The following RTTN variants were observed in gnomAD, a reference collection of about 807,000 sequenced individuals.
The protein encoded by RTTN is rotatin.
In RTTN, 182 loss-of-function variants were observed where a neutral mutation model predicts 269.2. The ratio of observed to expected loss-of-function variants is 0.68; its 90% CI spans 0.60 to 0.76. The LOEUF is 0.76. Among genes scored for constraint, RTTN ranks in the 30% least tolerant of loss-of-function variants. The pLI is 0.00. For synonymous variants in RTTN, 1,006 were observed against 963.5 expected (o/e 1.04, Z -0.82); for missense variants, 2,545 against 2,608.6 (o/e 0.98, Z 0.53).
rs546205241 is a variant in RTTN at position 70,097,802 on chromosome 18, T to A, written c.3904-4998A>T. 2.0e-5 allele frequency among the ~76,000 whole-genome samples: 3 copies of A among 152,360 alleles called. No homozygotes were observed. The South Asian group carries it at 6.2e-4, about 32-fold the overall frequency. On this transcript the variant is annotated intron_variant, in intron 28 of 48. Transcript: ENST00000640769. ...AAAACTAAGCCCTTTTGTTCTCCAA[T>A]ACATTAACAGTTCATTTCAATTTCT...
intron 2 of RTTN, 116 bp downstream of exon 2, chr18:70,205,012 G>T: frequency 2.1e-6 from 2 of 945,572 alleles, no homozygotes; most frequent in South Asian, 1.6e-5. Context: ...AAACATCTCT[G>T]GTTGATTAAA....
Position 70,156,297 on chromosome 18 carries a change from T to C in RTTN, c.1930-5564A>G, listed in dbSNP as rs2060673934. Among the ~76,000 whole-genome samples, 3 of 152,148 alleles carry C rather than the reference T, an allele frequency of 2.0e-5. No homozygotes were observed. The South Asian group carries it at 6.2e-4, about 32-fold the overall frequency. On this transcript the variant is annotated intron_variant, in intron 14 of 48. Transcript: ENST00000640769. ...CCCCCTTGGGTGTGGCCGTCTTCTA[T>C]GGTCGAGACTGTAGGGGTGAAATAA...
intron 8 of RTTN, among the ~76,000 whole-genome samples, chr18:70,191,035 A>G (rs2061658461): frequency 1.3e-5 from 2 of 149,834 alleles, no homozygotes; most frequent in African/African-American, 4.9e-5. Flanking sequence ...TAAAAATACA[A>G]AAAAAAAAAT....
intron 11 of RTTN, among the ~76,000 whole-genome samples, chr18:70,172,970 T>G (rs202085628): frequency 6.6e-6 from 1 of 152,346 alleles, no homozygotes; most frequent in East Asian, 1.9e-4. Flanking sequence ...AATTCCTTTC[T>G]TAAGAGACTG....
chr18:70,159,950 A>G (rs1161865705), intron 14 of RTTN, among the ~76,000 whole-genome samples: 4 of 152,034 alleles, frequency 2.6e-5, no homozygotes, highest in African/African-American at 9.7e-5. Flanking sequence ...AAAAAAGCCT[A>G]CCAACCAGAA....
intron 21 of RTTN, among the ~76,000 whole-genome samples, chr18:70,136,598 C>T (rs1365475611): frequency 6.6e-6 from 1 of 151,678 alleles, no homozygotes; most frequent in Non-Finnish European, 1.5e-5. Flanking sequence ...GAAAAGATAA[C>T]TTCACTAAAA....
intron 10 of RTTN, among the ~76,000 whole-genome samples, chr18:70,185,956 A>G (rs2061534852): frequency 6.6e-6 from 1 of 152,056 alleles, no homozygotes; most frequent in Non-Finnish European, 1.5e-5. Flanking sequence ...GTTTTTTTAA[A>G]AAAAAACCTA....
rs142836786 is a variant in RTTN at position 70,080,479 on chromosome 18, T to C, written c.4375-4938A>G. Among the ~76,000 whole-genome samples, 498 of 152,256 alleles carry C rather than the reference T, an allele frequency of 3.3e-3. 1 individual carries two copies. Among genetic ancestry groups the C allele is most frequent in the African/African-American group, 0.011 (467 of 41,566 alleles). On this transcript the variant is annotated intron_variant, in intron 32 of 48. Coordinates refer to ENST00000640769, the MANE Select transcript of RTTN (RefSeq NM_173630.4). ...GGCCAAAGCAAGAATGATTTGAACA[T>C]TGAAACAAATAATGATAGAAACAGA...
At chr18:70,177,701 C>G (rs758525896) in intron 10 of RTTN, among the ~76,000 whole-genome samples, 2 of 151,798 alleles carry the variant, frequency 1.3e-5, no homozygotes, top group Non-Finnish European at 2.9e-5. Flanking sequence ...AAACTAAGAA[C>G]AAAAATCTAA....
At chr18:70,006,561 C>A (rs2056194489) in intron 46 of RTTN, 77 bp from the exon 47 acceptor site, 1 of 1,084,900 alleles carries the variant, frequency 9.2e-7, no homozygotes, top group East Asian at 2.5e-5. Flanking sequence ...TAGTCAGACA[C>A]CCCCCTCTTT....
At chr18:70,016,993 GA>G (rs2056558910) in intron 46 of RTTN, among the ~76,000 whole-genome samples, 1 of 152,156 alleles carries the variant, frequency 6.6e-6, no homozygotes, top group South Asian at 2.1e-4. Context: ...GAGGAGGAAA[GA>G]GAAGGCCCCC....
chr18:70,128,622 G>A, intron 23 of RTTN, 76 bp from the exon 24 acceptor site: 2 of 1,268,504 alleles, frequency 1.6e-6, no homozygotes, highest in Non-Finnish European at 2.2e-6. Flanking sequence ...CCACAAATGA[G>A]GGCTAGTTCA....
intron 27 of RTTN, among the ~76,000 whole-genome samples, chr18:70,114,164 T>A (rs931654274): frequency 1.3e-5 from 2 of 152,036 alleles, no homozygotes; most frequent in African/African-American, 4.8e-5. Flanking sequence ...AGTAGATTTG[T>A]AGATAATTAA....
In RTTN at chr18:70,022,479, A is replaced by G. The variant is rs1015276712; in HGVS notation, c.5951-1662T>C. Among the ~76,000 whole-genome samples the G allele has an allele frequency of 2.9e-4, 44 of 152,154 alleles. 1 individual carries two copies. The highest frequency in any genetic ancestry group is 1.0e-3 in the African/African-American group (43 of 41,442). On this transcript the variant is annotated intron_variant, in intron 44 of 48. Transcript: ENST00000640769. Reference sequence around the variant, plus strand: ...GTTAATAAACATGCCTTAAAAACATACATCTTTAAAAACGAGCAAAAACTC... The same window carrying G: ...GTTAATAAACATGCCTTAAAAACATGCATCTTTAAAAACGAGCAAAAACTC...
rs947987849 is a variant in RTTN, at chr18:70,141,803, G to A, written c.2581+485C>T. Among the ~76,000 whole-genome samples the A allele has an allele frequency of 7.2e-5, 11 of 151,934 alleles. No homozygotes were observed. In the East Asian group the frequency reaches 2.1e-3, roughly 29 times the overall value. On this transcript the variant is annotated intron_variant, in intron 19 of 48. Transcript: ENST00000640769. ...ATAAAAATAAACGTTTAAAGAAAAG[G>A]CATAGCTACAGTGTACTATTTTTCT...
At chr18:70,046,593 G>A (rs2057497810) in intron 40 of RTTN, among the ~76,000 whole-genome samples, 1 of 152,152 alleles carries the variant, frequency 6.6e-6, no homozygotes, top group Non-Finnish European at 1.5e-5. Context: ...CTGTTGTTCT[G>A]ATGGGGAATG....
rs2059922699 is a variant in RTTN, at chr18:70,128,520, C to G, written c.2981G>C (p.Gly994Ala). The change falls in exon 24 of 49, where the codon GGA becomes GCA. Residue 994 changes from glycine (G) to alanine (A), a missense_variant. Coordinates refer to ENST00000640769, the MANE Select transcript of RTTN (RefSeq NM_173630.4). ...RRYHLPVHVI[G>A]HHAVSPYSIV... ...GGAGTAAGGACTCACAGCATGGTGT[C>G]CAATTACATGAACAGGTAGATGGTA... is the stretch of plus-strand genomic sequence containing the variant. 1 of 1,612,524 alleles carries G rather than the reference C, an allele frequency of 6.2e-7. No individual in the cohort carries two copies. The highest frequency in any genetic ancestry group is 1.3e-5 in the African/African-American group (1 of 74,798).
intron 35 of RTTN, among the ~76,000 whole-genome samples, chr18:70,065,091 T>C (rs979621869): frequency 3.9e-5 from 6 of 152,212 alleles, no homozygotes; most frequent in African/African-American, 1.4e-4. Flanking sequence ...GGAACAAATA[T>C]TGTAATGAAA....
At chr18:70,113,665 T>G (rs181453307) in intron 27 of RTTN, among the ~76,000 whole-genome samples, 46 of 152,242 alleles carry the variant, frequency 3.0e-4, no homozygotes, top group African/African-American at 1.1e-3. Flanking sequence ...AATGAATGAA[T>G]GGATAAACAA....
Sources: allele counts gnomAD v4.1 joint callset (sites outside exome capture counted in the v4.1 genomes callset), GRCh38; gene constraint gnomAD v4.1.1; transcripts MANE v1.5; gene names NCBI Gene and HGNC (gene_info 2026-07-23, HGNC 2026-07-21).